HS6ST2: variants seen among roughly 807,000 people sequenced by gnomAD.
HS6ST2 encodes the protein heparan-sulfate 6-O-sulfotransferase 2.
In HS6ST2, 17 loss-of-function variants were observed where a neutral mutation model predicts 33.0. The ratio of observed to expected loss-of-function variants is 0.52; its 90% CI spans 0.35 to 0.77. The LOEUF is 0.77. Ranked by LOEUF, HS6ST2 falls within the 30% of genes least tolerant of loss-of-function variation. The pLI is 0.01. For synonymous variants in HS6ST2, 248 were observed against 237.1 expected, an observed-to-expected ratio of 1.05 and a Z score of -0.42; for missense variants, 519 against 551.7, an observed-to-expected ratio of 0.94 and a Z score of 0.59.
intron 2 of HS6ST2, among the ~76,000 whole-genome samples, chrX:132,882,377 C>T (rs1354418114): frequency 1.8e-5 from 2 of 108,362 alleles, no homozygotes; most frequent in Non-Finnish European, 3.8e-5. Context: ...ATTTTATTCT[C>T]TTTGAAGCAA....
intron 2 of HS6ST2, among the ~76,000 whole-genome samples, chrX:132,866,916 C>T (rs1382474519): frequency 4.7e-5 from 5 of 106,379 alleles, no homozygotes; most frequent in Non-Finnish European, 7.7e-5. Context: ...ACAATCATGT[C>T]GTCTGCAAAC....
intron 2 of HS6ST2, among the ~76,000 whole-genome samples, chrX:132,812,090 C>T (rs922178005): frequency 1.2e-4 from 13 of 109,385 alleles, no homozygotes; most frequent in Non-Finnish European, 1.9e-4. Flanking sequence ...CTCAACAATA[C>T]TTACTTTTAA....
chrX:132,861,748 T>A (rs2065913506), intron 2 of HS6ST2, among the ~76,000 whole-genome samples: 1 of 112,230 alleles, frequency 8.9e-6, no homozygotes, highest in East Asian at 2.8e-4. Flanking sequence ...TTCCATTAAC[T>A]TTCCCGGGTA....
chrX:132,861,502 G>T (rs924731889), intron 2 of HS6ST2, among the ~76,000 whole-genome samples: 2 of 112,389 alleles, frequency 1.8e-5, no homozygotes, highest in African/African-American at 3.2e-5. Context: ...CATCAAATTT[G>T]CTTCCTAAAT....
chrX:132,754,025 T>C (rs779795705), intron 2 of HS6ST2, among the ~76,000 whole-genome samples: 1 of 112,007 alleles, frequency 8.9e-6, no homozygotes, highest in East Asian at 2.8e-4. Flanking sequence ...CTATGCTTTA[T>C]TTAGATTTCC....
At chrX:132,726,356 A>G (rs1394712440) in intron 2 of HS6ST2, among the ~76,000 whole-genome samples, 1 of 112,138 alleles carries the variant, frequency 8.9e-6, no homozygotes, top group Admixed American at 9.4e-5. Flanking sequence ...AAAGTAAAGG[A>G]ATCTTTTCCT....
At chrX:132,690,060 C>T (rs1336158224) in intron 3 of HS6ST2, among the ~76,000 whole-genome samples, 1 of 112,013 alleles carries the variant, frequency 8.9e-6, no homozygotes, top group Non-Finnish European at 1.9e-5. Flanking sequence ...GAGTTGCAGA[C>T]TCTGCTGTTA....
intron 2 of HS6ST2, among the ~76,000 whole-genome samples, chrX:132,850,091 T>C (rs912951303): frequency 5.3e-5 from 6 of 112,317 alleles, no homozygotes; most frequent in African/African-American, 1.9e-4. Flanking sequence ...TTTTGGCATC[T>C]AAAAAACCAA....
intron 2 of HS6ST2, among the ~76,000 whole-genome samples, chrX:132,731,386 G>A (rs1282358479): frequency 1.8e-5 from 2 of 112,118 alleles, no homozygotes; most frequent in Non-Finnish European, 3.8e-5. Flanking sequence ...GGCCAGAGTG[G>A]AGATGGGAGT....
intron 2 of HS6ST2, among the ~76,000 whole-genome samples, chrX:132,835,906 A>C (rs1441105779): frequency 9.0e-6 from 1 of 111,702 alleles, no homozygotes; most frequent in Non-Finnish European, 1.9e-5. Context: ...ACAGAGCAAG[A>C]CTGTCTGGGG....
chrX:132,804,820 GA>G (rs1367378222), intron 2 of HS6ST2, among the ~76,000 whole-genome samples: 37 of 110,741 alleles, frequency 3.3e-4, no homozygotes, highest in African/African-American at 9.5e-4. Flanking sequence ...ATAAATAAAG[GA>G]AAAAGACACA....
chrX:132,721,368 G>C (rs780841353), intron 2 of HS6ST2, among the ~76,000 whole-genome samples: 1 of 111,946 alleles, frequency 8.9e-6, no homozygotes, highest in Non-Finnish European at 1.9e-5. Flanking sequence ...ATTGAAAAAC[G>C]TCTTGAAACA....
At chrX:132,646,879 G>A (rs1383958082) in intron 4 of HS6ST2, among the ~76,000 whole-genome samples, 1 of 112,133 alleles carries the variant, frequency 8.9e-6, no homozygotes, top group Admixed American at 9.4e-5. Context: ...GTTTTCCATG[G>A]CAGCAGGCAA....
At chrX:132,899,696 C>T (rs1397502917) in intron 2 of HS6ST2, among the ~76,000 whole-genome samples, 1 of 111,387 alleles carries the variant, frequency 9.0e-6, no homozygotes, top group Non-Finnish European at 1.9e-5. Context: ...AGAAAAAGGA[C>T]CAAAAGTTTT....
chrX:132,847,966 T>A (rs2065768013), intron 2 of HS6ST2, among the ~76,000 whole-genome samples: 1 of 112,430 alleles, frequency 8.9e-6, no homozygotes, highest in Admixed American at 9.4e-5. Context: ...TAATGCCGTG[T>A]CTTTGAGAAC....
At chrX:132,848,723 C>T (rs1288753243) in intron 2 of HS6ST2, among the ~76,000 whole-genome samples, 1 of 111,977 alleles carries the variant, frequency 8.9e-6, no homozygotes, top group African/African-American at 3.2e-5. Flanking sequence ...TTACTGAAAG[C>T]CAACAGCATG....
At chrX:132,826,651 T>TTA (rs200951575) in intron 2 of HS6ST2, among the ~76,000 whole-genome samples, 1,543 of 108,910 alleles carry the variant, frequency 0.014, 21 homozygotes, top group East Asian at 0.1. Context: ...ATAGCTCACA[T>TTA]TATATATATA....
intron 2 of HS6ST2, among the ~76,000 whole-genome samples, chrX:132,732,125 G>A (rs1161700922): frequency 2.7e-5 from 3 of 111,993 alleles, no homozygotes; most frequent in Admixed American, 1.9e-4. Flanking sequence ...TGGCCTTTAC[G>A]TATAATTAAA....
intron 2 of HS6ST2, among the ~76,000 whole-genome samples, chrX:132,941,664 T>C (rs774423033): frequency 3.6e-5 from 4 of 112,436 alleles, no homozygotes; most frequent in African/African-American, 1.3e-4. Context: ...TTATTTTGTG[T>C]GCGCATGTGT....
Sources: gnomAD v4.1 joint callset for allele counts (sites outside exome capture counted in the v4.1 genomes callset) on GRCh38, gnomAD v4.1.1 for gene constraint, MANE v1.5 for transcripts, NCBI Gene and HGNC (gene_info 2026-07-23, HGNC 2026-07-21) for gene names.